POT1: variants seen among roughly 807,000 people sequenced by gnomAD.
POT1 encodes protection of telomeres 1.
POT1 carries 47 observed loss-of-function variants against 78.5 expected under a neutral mutation model. That is an observed-to-expected ratio of 0.60 (90% CI 0.47 to 0.76). The LOEUF (loss-of-function observed/expected upper bound fraction) is 0.76, where lower values mean the gene tolerates loss of function less well. Among genes scored for constraint, POT1 ranks in the 30% least tolerant of loss-of-function variants. The pLI is 0.00. For synonymous variants in POT1, 259 were observed against 260.7 expected (o/e 0.99, Z 0.06); for missense variants, 646 against 749.9 (o/e 0.86, Z 1.62).
At position 124,867,616 on chromosome 7, in the gene POT1, C is replaced by T. The variant is rs1350442650; in HGVS notation, c.255+3295G>A. On this transcript the variant is annotated intron_variant, in intron 7 of 18. Transcript: ENST00000357628. ...TGTCTCCTCATTAGAAAGGCCTTTCCTGATTTTGCTTTATTATTTTTATTT... is the reference window on the plus strand; with the variant it reads ...TGTCTCCTCATTAGAAAGGCCTTTCTTGATTTTGCTTTATTATTTTTATTT... 2.0e-5 allele frequency among the ~76,000 whole-genome samples: 3 copies of T among 151,774 alleles called. No homozygotes were observed. The East Asian group carries it at 5.8e-4, about 29-fold the overall frequency.
chr7:124,844,463 G>A (rs529306112), intron 12 of POT1, among the ~76,000 whole-genome samples: 131 of 148,164 alleles, frequency 8.8e-4, no homozygotes, highest in African/African-American at 3.2e-3. Context: ...GGCACCGGGC[G>A]CGGTGGCTCA....
intron 15 of POT1, among the ~76,000 whole-genome samples, chr7:124,831,797 T>C (rs1794763904): frequency 6.6e-6 from 1 of 151,884 alleles, no homozygotes; most frequent in Non-Finnish European, 1.5e-5. Context: ...CTTGGCATAG[T>C]ACGAAACAGT....
chr7:124,872,281 TG>T (rs1787989015), intron 6 of POT1, among the ~76,000 whole-genome samples: 3 of 152,170 alleles, frequency 2.0e-5, no homozygotes, highest in Admixed American at 6.6e-5. Context: ...GCAATGAACA[TG>T]GGAGTGCAGA....
rs550673898 is a variant in POT1 at position 124,866,935 on chromosome 7, T to C, written c.256-3295A>G. Among the ~76,000 whole-genome samples, 6 of 152,324 alleles carry C rather than the reference T, an allele frequency of 3.9e-5. No homozygotes were observed. The East Asian group carries it at 9.6e-4, about 24-fold the overall frequency. ...TACCTAACTTTTAAATGGGTTCTAC[T>C]TGATGTATATGCTGCTTCTCTTTTA... is the stretch of plus-strand genomic sequence containing the variant. On this transcript the variant is annotated intron_variant, in intron 7 of 18. Coordinates refer to ENST00000357628, the MANE Select transcript of POT1 (RefSeq NM_015450.3).
At chr7:124,922,568 G>A (rs1797177650) in intron 2 of POT1, among the ~76,000 whole-genome samples, 1 of 151,780 alleles carries the variant, frequency 6.6e-6, no homozygotes, top group Non-Finnish European at 1.5e-5. Context: ...CATGGGGAGT[G>A]GTACAATAGT....
At chr7:124,859,464 T>C (rs973236818) in intron 8 of POT1, among the ~76,000 whole-genome samples, 4 of 152,134 alleles carry the variant, frequency 2.6e-5, no homozygotes, top group African/African-American at 9.7e-5. Flanking sequence ...AAATTATGAA[T>C]GCTCTAAAAA....
Position 124,824,035 on chromosome 7 carries a change from T to C in POT1, c.1832A>G (p.Asn611Ser), listed in dbSNP as rs376707680. The C allele has an allele frequency of 2.1e-5, 33 of 1,608,856 alleles. No homozygotes were observed. Among genetic ancestry groups the C allele is most frequent in the Admixed American group, 5.0e-5 (3 of 59,546 alleles). Residue 611 changes from asparagine to serine, a missense_variant, in exon 19 of 19, where the codon AAT (asparagine) becomes AGT (serine). Asn to Ser is a conservative substitution (Grantham distance 46, BLOSUM62 1). This residue lies in a region of POT1 where 394 missense variants were observed against 408.4 expected (regional missense o/e 0.96). Transcript: ENST00000357628. The stretch of plus-strand genomic sequence containing the variant: ...TTGATTATCTGTTCCATTTGTGACA[T>C]TGTATGACTTGATGAAGCATTCCAA... ...PWLECFIKSY[N>S]VTNGTDNQIC...
rs75395863 is a variant in POT1 at position 124,867,512 on chromosome 7, T to C, written c.255+3399A>G. Among the ~76,000 whole-genome samples the C allele has an allele frequency of 5.5e-3, 841 of 152,308 alleles. 4 individuals are homozygous for C. Among genetic ancestry groups the C allele is most frequent in the Admixed American group, 0.013 (206 of 15,294 alleles). On this transcript the variant is annotated intron_variant, in intron 7 of 18. Transcript: ENST00000357628. Reference sequence around the variant, plus strand: ...TCCTATCACAGGGCCTTGGCACCTATAGTGTCATCTGGTGGAAAACATTTT... The same window carrying C: ...TCCTATCACAGGGCCTTGGCACCTACAGTGTCATCTGGTGGAAAACATTTT...
intron 16 of POT1, chr7:124,828,914 A>G (rs1249572159): frequency 1.8e-6 from 1 of 562,492 alleles, no homozygotes; most frequent in East Asian, 4.6e-5. Flanking sequence ...TAATAATTTC[A>G]CTCTATTCTG....
chr7:124,892,171 G>T, intron 6 of POT1, 95 bp downstream of exon 6: 1 of 721,254 alleles, frequency 1.4e-6, no homozygotes. Context: ...TCAGAACTGA[G>T]CTTCTATTCT....
chr7:124,881,249 C>T (rs887862756), intron 6 of POT1, among the ~76,000 whole-genome samples: 3 of 151,888 alleles, frequency 2.0e-5, no homozygotes, highest in Admixed American at 6.6e-5. Flanking sequence ...GTCATTTCCC[C>T]TAACTGATCT....
intron 2 of POT1, among the ~76,000 whole-genome samples, chr7:124,918,378 C>A (rs1003661228): frequency 6.6e-6 from 1 of 152,136 alleles, no homozygotes; most frequent in Admixed American, 6.5e-5. Context: ...TGTTTGTTTT[C>A]AGGGGTAGCA....
chr7:124,885,918 A>C (rs6972471), intron 6 of POT1, among the ~76,000 whole-genome samples: 1,778 of 152,288 alleles, frequency 0.012, 43 homozygotes, highest in African/African-American at 0.039. Flanking sequence ...TAGGAATGTT[A>C]GTATCTATAG....
chr7:124,856,897 T>G (rs1795460868), intron 9 of POT1, among the ~76,000 whole-genome samples: 1 of 152,184 alleles, frequency 6.6e-6, no homozygotes, highest in Non-Finnish European at 1.5e-5. Context: ...AAAATATATC[T>G]TCAACAGTCA....
intron 7 of POT1, among the ~76,000 whole-genome samples, chr7:124,869,175 T>G (rs1395690074): frequency 2.0e-5 from 3 of 152,180 alleles, no homozygotes; most frequent in Admixed American, 2.0e-4. Context: ...TACAAATTGT[T>G]GAAAATCTCC....
intron 2 of POT1, among the ~76,000 whole-genome samples, chr7:124,920,666 C>CT (rs11343161): frequency 2.6e-5 from 4 of 151,760 alleles, no homozygotes; most frequent in East Asian, 1.9e-4. Flanking sequence ...ATACTTCAAT[C>CT]TTTTTTTTTA....
At chr7:124,925,492 T>C (rs1160889830) in intron 2 of POT1, among the ~76,000 whole-genome samples, 1 of 152,088 alleles carries the variant, frequency 6.6e-6, no homozygotes, top group Non-Finnish European at 1.5e-5. Context: ...CATCCCATGC[T>C]CGTGGATCAG....
chr7:124,914,608 G>GA, intron 3 of POT1, among the ~76,000 whole-genome samples: 1 of 152,168 alleles, frequency 6.6e-6, no homozygotes, highest in East Asian at 1.9e-4. Flanking sequence ...AAAATATTCA[G>GA]AAAAAATGTT....
chr7:124,899,244 G>A (rs550599124), intron 3 of POT1, among the ~76,000 whole-genome samples: 2 of 152,272 alleles, frequency 1.3e-5, no homozygotes, highest in South Asian at 4.1e-4. Flanking sequence ...TGTATTTACA[G>A]GACTTGGCAC....
Sources: allele counts gnomAD v4.1 joint callset (sites outside exome capture counted in the v4.1 genomes callset), GRCh38; gene constraint gnomAD v4.1.1; regional missense constraint gnomAD v4.1.1; transcripts MANE v1.5; gene names NCBI Gene and HGNC (gene_info 2026-07-23, HGNC 2026-07-21).